Variants in ZNF564 observed in about 807,000 individuals in gnomAD.
The protein encoded by ZNF564 is zinc finger protein 564.
ZNF564 carries 5 observed loss-of-function variants against 10.5 expected under a neutral mutation model. The ratio of observed to expected loss-of-function variants is 0.48; its 90% CI spans 0.25 to 1.00. The LOEUF is 1.00. Among genes scored for constraint, ZNF564 ranks in the 50% least tolerant of loss-of-function variants. ZNF564 has a pLI of 0.16. For synonymous variants in ZNF564, 242 were observed against 218.1 expected (o/e 1.11, Z -0.97); for missense variants, 603 against 669.7 (o/e 0.90, Z 1.10).
intron 1 of ZNF564, among the ~76,000 whole-genome samples, chr19:12,529,288 A>T (rs933417006): frequency 2.0e-5 from 3 of 151,922 alleles, no homozygotes; most frequent in African/African-American, 7.3e-5. Context: ...CACCTTGGAG[A>T]AACAAATAAA....
intron 1 of ZNF564, among the ~76,000 whole-genome samples, chr19:12,540,317 T>C (rs1414364213): frequency 6.6e-6 from 1 of 152,214 alleles, no homozygotes; most frequent in Non-Finnish European, 1.5e-5. Flanking sequence ...TTTATGTAGT[T>C]TCCTCATATG....
intron 1 of ZNF564, among the ~76,000 whole-genome samples, chr19:12,540,741 C>G (rs1306361766): frequency 6.6e-6 from 1 of 151,978 alleles, no homozygotes; most frequent in African/African-American, 2.4e-5. Flanking sequence ...GTAGTCCCAG[C>G]TACTCGGGAG....
intron 1 of ZNF564, among the ~76,000 whole-genome samples, chr19:12,545,632 G>A (rs946553993): frequency 5.9e-5 from 9 of 152,120 alleles, no homozygotes; most frequent in African/African-American, 2.2e-4. Context: ...TCCTCCTCGG[G>A]TTCAATAATT....
chr19:12,528,377 C>T lies in ZNF564; in HGVS notation c.131-13G>A. On this transcript the variant is annotated splice_polypyrimidine_tract_variant and intron_variant, in intron 2 of 3. Coordinates refer to ENST00000339282, the MANE Select transcript of ZNF564 (RefSeq NM_144976.4). ...TCCCATTTTTTTCCTAAAATATAGTCAGAAAAAATCCTTATGAACTGATAG... is the reference window on the plus strand; with the variant it reads ...TCCCATTTTTTTCCTAAAATATAGTTAGAAAAAATCCTTATGAACTGATAG... 1 of 1,599,810 alleles carries T rather than the reference C, an allele frequency of 6.3e-7. No individual in the cohort carries two copies. Among genetic ancestry groups the T allele is most frequent in the South Asian group, 1.1e-5 (1 of 88,592 alleles).
At chr19:12,550,934 C>T (rs2022245147) in intron 1 of ZNF564, among the ~76,000 whole-genome samples, 1 of 152,134 alleles carries the variant, frequency 6.6e-6, no homozygotes, top group Admixed American at 6.5e-5. Flanking sequence ...AAGACCAGTC[C>T]CCCGGAAAAA....
chr19:12,531,437 C>T lies in ZNF564; in HGVS notation c.4-2741G>A, dbSNP rs118005784. Among the ~76,000 whole-genome samples, 64 of 152,026 alleles carry T rather than the reference C, an allele frequency of 4.2e-4. No individual in the cohort carries two copies. The East Asian group carries it at 9.3e-3, about 22-fold the overall frequency. On this transcript the variant is annotated intron_variant, in intron 1 of 3. Coordinates refer to ENST00000339282, the MANE Select transcript of ZNF564 (RefSeq NM_144976.4). ...CAAAAATTAGCCAAGCATGTTGACG[C>T]GCACCTGTTACCCCAGCTACCTGGG...
chr19:12,551,012 G>C (rs913219135), intron 1 of ZNF564, among the ~76,000 whole-genome samples: 1 of 152,254 alleles, frequency 6.6e-6, no homozygotes, highest in South Asian at 2.1e-4. Context: ...CCCGAGACGG[G>C]ATTCCGCCTT....
intron 1 of ZNF564, among the ~76,000 whole-genome samples, chr19:12,543,156 G>A (rs1447007595): frequency 6.6e-6 from 1 of 151,526 alleles, no homozygotes; most frequent in African/African-American, 2.4e-5. Context: ...AAAAAAATTA[G>A]TCAGGCGTGG....
chr19:12,538,036 C>T (rs985425929), intron 1 of ZNF564, among the ~76,000 whole-genome samples: 10 of 151,194 alleles, frequency 6.6e-5, no homozygotes, highest in Non-Finnish European at 1.5e-4. Flanking sequence ...GGTACTATGG[C>T]GAATAGTAGT....
At chr19:12,544,533 T>A (rs2022116269) in intron 1 of ZNF564, among the ~76,000 whole-genome samples, 1 of 152,154 alleles carries the variant, frequency 6.6e-6, no homozygotes, top group African/African-American at 2.4e-5. Context: ...ATGTGGTCAA[T>A]CCAGTTATCT....
intron 1 of ZNF564, among the ~76,000 whole-genome samples, chr19:12,539,379 G>T (rs924282091): frequency 1.1e-4 from 17 of 151,848 alleles, no homozygotes; most frequent in Non-Finnish European, 1.2e-4. Flanking sequence ...AAGAAAGCTG[G>T]CTGGGCACAG....
chr19:12,550,437 C>A, intron 1 of ZNF564: 1 of 189,206 alleles, frequency 5.3e-6, no homozygotes, highest in South Asian at 5.1e-5. Flanking sequence ...GAGCGGATCA[C>A]CTGAGGTCTG....
At chr19:12,540,811 A>G (rs995056244) in intron 1 of ZNF564, among the ~76,000 whole-genome samples, 3 of 151,732 alleles carry the variant, frequency 2.0e-5, no homozygotes, top group Non-Finnish European at 2.9e-5. Flanking sequence ...CCGAGATGGC[A>G]CCACTGCACT....
At chr19:12,539,240 C>CAAAAAA (rs760536256) in intron 1 of ZNF564, among the ~76,000 whole-genome samples, 1 of 52,084 alleles carries the variant, frequency 1.9e-5, no homozygotes, top group Admixed American at 2.5e-4. Context: ...GACTCCATCT[C>CAAAAAA]AAAAAAAAAA....
chr19:12,531,529 T>C (rs1314470124), intron 1 of ZNF564, among the ~76,000 whole-genome samples: 1 of 151,658 alleles, frequency 6.6e-6, no homozygotes, highest in Admixed American at 6.6e-5. Context: ...ATTGTGCCAC[T>C]GCACTCCAGC....
intron 1 of ZNF564, among the ~76,000 whole-genome samples, chr19:12,544,440 T>C (rs1364034851): frequency 2.0e-5 from 3 of 152,196 alleles, no homozygotes; most frequent in Non-Finnish European, 4.4e-5. Flanking sequence ...ACTTTGAATA[T>C]GGCTTTAACT....
intron 1 of ZNF564, 94 bp from the exon 2 acceptor site, chr19:12,528,790 G>A (rs997545489): frequency 7.5e-5 from 105 of 1,405,342 alleles, no homozygotes; most frequent in Middle Eastern, 1.9e-4. Flanking sequence ...ATGGCTAGGT[G>A]TGGTGGCTCA....
At chr19:12,540,862 A>G (rs1293690473) in intron 1 of ZNF564, among the ~76,000 whole-genome samples, 1 of 151,658 alleles carries the variant, frequency 6.6e-6, no homozygotes, top group Non-Finnish European at 1.5e-5. Flanking sequence ...TCAAAAAAAA[A>G]TCAGCCAGGT....
At chr19:12,547,116 C>A (rs1277080970) in intron 1 of ZNF564, among the ~76,000 whole-genome samples, 1 of 152,192 alleles carries the variant, frequency 6.6e-6, no homozygotes, top group Non-Finnish European at 1.5e-5. Context: ...GTTGTCCAGG[C>A]TAGAGTACAA....
Sources: allele counts gnomAD v4.1 joint callset (sites outside exome capture counted in the v4.1 genomes callset), GRCh38; gene constraint gnomAD v4.1.1; transcripts MANE v1.5; gene names NCBI Gene and HGNC (gene_info 2026-07-23, HGNC 2026-07-21).